MCCC1: variants seen among roughly 807,000 people sequenced by gnomAD.
The protein encoded by MCCC1 is methylcrotonyl-CoA carboxylase subunit 1, also known as methylcrotonoyl-CoA carboxylase subunit alpha, mitochondrial.
In MCCC1, 64 loss-of-function variants were observed where a neutral mutation model predicts 83.8. The ratio of observed to expected loss-of-function variants is 0.76; its 90% CI spans 0.62 to 0.94. MCCC1 has a LOEUF of 0.94. Ranked by LOEUF, MCCC1 falls within the 40% of genes least tolerant of loss-of-function variation. The pLI is 0.00. For missense variants in MCCC1, 807 were observed against 904.7 expected, an observed-to-expected ratio of 0.89 and a Z score of 1.39; for synonymous variants, 322 against 315.4, an observed-to-expected ratio of 1.02 and a Z score of -0.22.
chr3:183,045,450 A>C lies in MCCC1; in HGVS notation c.1046T>G (p.Met349Arg), dbSNP rs1714477472. Residue 349 changes from methionine (M) to arginine (R), a missense_variant, in exon 10 of 19, where the codon ATG (methionine) becomes AGG (arginine). By Grantham distance (91) the Met-to-Arg change is moderately conservative. Coordinates refer to ENST00000265594, the MANE Select transcript of MCCC1 (RefSeq NM_020166.5). ...RLQVEHPVTE[M>R]ITGTDLVEWQ... is the part of the protein sequence containing the mutation. Reference sequence around the variant, plus strand: ...CTCCACCAAGTCAGTTCCTGTGATCATCTCAGTAACAGGATGTTCCACTTG... The same window carrying C: ...CTCCACCAAGTCAGTTCCTGTGATCCTCTCAGTAACAGGATGTTCCACTTG... The C allele has an allele frequency of 6.2e-7, 1 of 1,614,024 alleles. No homozygotes were observed. The highest frequency in any genetic ancestry group is 8.5e-7 in the Non-Finnish European group (1 of 1,179,972).
chr3:183,076,957 C>T (rs1180134101), intron 4 of MCCC1, among the ~76,000 whole-genome samples: 1 of 152,172 alleles, frequency 6.6e-6, no homozygotes, highest in Non-Finnish European at 1.5e-5. Context: ...CCTATATGAA[C>T]ATTTCATATA....
intron 1 of MCCC1, among the ~76,000 whole-genome samples, chr3:183,111,037 AATG>A (rs1719485086): frequency 6.6e-6 from 1 of 152,172 alleles, no homozygotes; most frequent in South Asian, 2.1e-4. Flanking sequence ...CATGCTTTTT[AATG>A]ATGATAAAGA....
intron 13 of MCCC1, among the ~76,000 whole-genome samples, chr3:183,036,571 G>A (rs1254518797): frequency 8.3e-5 from 10 of 121,038 alleles, no homozygotes; most frequent in Admixed American, 3.1e-4. Flanking sequence ...ATGAACTCTC[G>A]CCCTGTTGTC....
chr3:183,034,746 T>C (rs575695036), intron 13 of MCCC1, among the ~76,000 whole-genome samples: 21 of 151,790 alleles, frequency 1.4e-4, no homozygotes, highest in Non-Finnish European at 3.1e-4. Flanking sequence ...CTCTTTTATG[T>C]TTTTATGTTG....
At chr3:183,044,831 A>G (rs1453832323) in intron 10 of MCCC1, among the ~76,000 whole-genome samples, 1 of 152,078 alleles carries the variant, frequency 6.6e-6, no homozygotes, top group East Asian at 1.9e-4. Context: ...CCTCATAACC[A>G]CCAAGAACTG....
chr3:183,022,538 A>C lies in MCCC1; in HGVS notation c.1748T>G (p.Phe583Cys), dbSNP rs749309371. The change falls in exon 16 of 19, where the codon TTC becomes TGC. Residue 583 changes from phenylalanine to cysteine, a missense_variant. Transcript: ENST00000265594. ...SYSMQIEDKTFQVLGNLYSEG... is the reference protein window; with the variant it reads ...SYSMQIEDKTCQVLGNLYSEG... ...GCTGTAAAGATTACCAAGGACTTGGAAAGTTTTATCTTCAATCTGAAAAAA... is the reference window on the plus strand; with the variant it reads ...GCTGTAAAGATTACCAAGGACTTGGCAAGTTTTATCTTCAATCTGAAAAAA... 1 of 1,613,362 alleles carries C rather than the reference A, an allele frequency of 6.2e-7. No individual in the cohort carries two copies. Among genetic ancestry groups the C allele is most frequent in the Non-Finnish European group, 8.5e-7 (1 of 1,179,410 alleles).
intron 4 of MCCC1, among the ~76,000 whole-genome samples, chr3:183,086,354 T>C (rs373096290): frequency 6.6e-6 from 1 of 152,236 alleles, no homozygotes; most frequent in Non-Finnish European, 1.5e-5. Flanking sequence ...TTCTTGCTTA[T>C]ATTTTACCTT....
chr3:183,027,772 G>C (rs1482825531), intron 14 of MCCC1, among the ~76,000 whole-genome samples: 4 of 152,314 alleles, frequency 2.6e-5, no homozygotes, highest in Non-Finnish European at 5.9e-5. Context: ...AGTCAATCCA[G>C]AGCAAGGCCC....
chr3:183,016,956 C>T, intron 18 of MCCC1: 1 of 411,064 alleles, frequency 2.4e-6, no homozygotes, highest in Non-Finnish European at 4.5e-6. Context: ...GAAACACCAA[C>T]AGTTAACATT....
intron 1 of MCCC1, among the ~76,000 whole-genome samples, chr3:183,107,780 C>T (rs1278262450): frequency 1.3e-5 from 2 of 151,950 alleles, no homozygotes; most frequent in Non-Finnish European, 2.9e-5. Context: ...AAACTCCTGA[C>T]CTCAAGTGAT....
chr3:183,096,691 C>T (rs1012912277), intron 1 of MCCC1, among the ~76,000 whole-genome samples: 1 of 152,220 alleles, frequency 6.6e-6, no homozygotes, highest in Non-Finnish European at 1.5e-5. Context: ...GGAAGACCCA[C>T]AGCTTTGGCA....
At chr3:183,027,621 T>A (rs1460116912) in intron 14 of MCCC1, among the ~76,000 whole-genome samples, 1 of 152,086 alleles carries the variant, frequency 6.6e-6, no homozygotes, top group Non-Finnish European at 1.5e-5. Flanking sequence ...GAGACCACCC[T>A]AGGAAACAAA....
At chr3:183,093,880 G>C (rs1718542063) in intron 2 of MCCC1, among the ~76,000 whole-genome samples, 1 of 151,568 alleles carries the variant, frequency 6.6e-6, no homozygotes, top group African/African-American at 2.4e-5. Context: ...ATTTTATTTG[G>C]AAAAAAAGGT....
chr3:183,046,570 T>C (rs986038667), intron 9 of MCCC1, among the ~76,000 whole-genome samples: 5 of 152,166 alleles, frequency 3.3e-5, no homozygotes, highest in South Asian at 2.1e-4. Context: ...GCTAATTTTT[T>C]TGTATTTTTA....
chr3:183,036,633 G>A (rs889204809), intron 13 of MCCC1, among the ~76,000 whole-genome samples: 4 of 149,130 alleles, frequency 2.7e-5, no homozygotes, highest in Non-Finnish European at 4.5e-5. Context: ...TCCGCCTCCC[G>A]GGTTCAAGCG....
chr3:183,040,098 G>GAAA (rs57389038), intron 11 of MCCC1, among the ~76,000 whole-genome samples: 71 of 34,594 alleles, frequency 2.1e-3, no homozygotes, highest in Non-Finnish European at 3.0e-3. Context: ...CTCCATCTCA[G>GAAA]AAAAAAAAAA....
chr3:183,082,585 A>G (rs897967942), intron 4 of MCCC1, among the ~76,000 whole-genome samples: 2 of 152,228 alleles, frequency 1.3e-5, no homozygotes, highest in African/African-American at 4.8e-5. Context: ...GCAAGGCAGT[A>G]CAACAGTCTC....
intron 11 of MCCC1, among the ~76,000 whole-genome samples, chr3:183,041,150 TCTTTA>T (rs922319018): frequency 5.9e-5 from 9 of 152,362 alleles, no homozygotes; most frequent in South Asian, 2.1e-4. Flanking sequence ...TTCCACTGTT[TCTTTA>T]CTTTAATTTT....
upstream of MCCC1, among the ~76,000 whole-genome samples, chr3:183,103,872 A>G (rs1719361896): frequency 6.6e-6 from 1 of 152,190 alleles, no homozygotes. Context: ...GGCGGGCTGC[A>G]GGTCCCGAGC....
Sources: allele counts gnomAD v4.1 joint callset (sites outside exome capture counted in the v4.1 genomes callset), GRCh38; gene constraint gnomAD v4.1.1; transcripts MANE v1.5; gene names NCBI Gene and HGNC (gene_info 2026-07-23, HGNC 2026-07-21).